Variants in SGCZ observed in about 807,000 individuals in gnomAD.
SGCZ encodes zeta-sarcoglycan.
SGCZ carries 40 observed loss-of-function variants against 41.3 expected under a neutral mutation model. That is an observed-to-expected ratio of 0.97 (90% CI 0.75 to 1.26). The LOEUF is 1.26. Among genes scored for constraint, SGCZ ranks in the 50% most tolerant of loss-of-function variants. The probability of loss-of-function intolerance (pLI) is 0.00; values close to 1 mark genes in which losing one functional copy is unlikely to be tolerated. For synonymous variants in SGCZ, 206 were observed against 137.5 expected, an observed-to-expected ratio of 1.50 and a Z score of -3.49; for missense variants, 552 against 369.8, an observed-to-expected ratio of 1.49 and a Z score of -4.04.
chr8:14,319,208 A>G (rs919522700), intron 3 of SGCZ, among the ~76,000 whole-genome samples: 1 of 151,952 alleles, frequency 6.6e-6, no homozygotes, highest in African/African-American at 2.4e-5. Context: ...TCTGAAATGA[A>G]AAAAGTGAAA....
intron 1 of SGCZ, among the ~76,000 whole-genome samples, chr8:14,720,766 C>A (rs1809857884): frequency 6.6e-6 from 1 of 152,052 alleles, no homozygotes; most frequent in South Asian, 2.1e-4. Flanking sequence ...ATTTACTAAC[C>A]AGCCATTTAA....
At chr8:14,774,443 G>A (rs550682047) in intron 1 of SGCZ, among the ~76,000 whole-genome samples, 137 of 152,278 alleles carry the variant, frequency 9.0e-4, no homozygotes, top group African/African-American at 2.9e-3. Flanking sequence ...TTCAGTTAAC[G>A]TTTAGGATTG....
At chr8:14,798,299 G>A (rs539591783) in intron 1 of SGCZ, among the ~76,000 whole-genome samples, 2 of 152,226 alleles carry the variant, frequency 1.3e-5, no homozygotes, top group East Asian at 3.9e-4. Flanking sequence ...GAATTTGGAA[G>A]GCAATAATCC....
intron 1 of SGCZ, among the ~76,000 whole-genome samples, chr8:14,972,020 T>C (rs184597884): frequency 2.0e-4 from 31 of 152,258 alleles, no homozygotes; most frequent in Admixed American, 8.5e-4. Context: ...AATAACTGTG[T>C]TTGGTTTCGG....
At chr8:15,100,114 A>G (rs1488764496) in intron 1 of SGCZ, among the ~76,000 whole-genome samples, 2 of 152,192 alleles carry the variant, frequency 1.3e-5, no homozygotes, top group Non-Finnish European at 2.9e-5. Flanking sequence ...CCAACAAGAC[A>G]GGAAAAGGAA....
chr8:14,406,820 G>C (rs557265457), intron 2 of SGCZ, among the ~76,000 whole-genome samples: 5 of 152,128 alleles, frequency 3.3e-5, no homozygotes, highest in Admixed American at 6.6e-5. Flanking sequence ...ATAAATATGA[G>C]TGCAGCACTG....
chr8:14,394,488 A>G (rs1379881568), intron 2 of SGCZ, among the ~76,000 whole-genome samples: 10 of 152,152 alleles, frequency 6.6e-5, no homozygotes, highest in Non-Finnish European at 1.3e-4. Flanking sequence ...GCATACTGAC[A>G]TCTAAGAAAC....
At chr8:14,935,562 A>G (rs1208842732) in intron 1 of SGCZ, among the ~76,000 whole-genome samples, 1 of 151,914 alleles carries the variant, frequency 6.6e-6, no homozygotes, top group Non-Finnish European at 1.5e-5. Flanking sequence ...AGATCATTGA[A>G]TCACTTTGAT....
chr8:14,374,216 C>G (rs760420784), intron 2 of SGCZ, among the ~76,000 whole-genome samples: 1 of 151,932 alleles, frequency 6.6e-6, no homozygotes, highest in South Asian at 2.1e-4. Context: ...TGTCTCTACA[C>G]AAGTATACAA....
At chr8:14,104,728 A>G (rs1802148490) in intron 6 of SGCZ, among the ~76,000 whole-genome samples, 2 of 151,802 alleles carry the variant, frequency 1.3e-5, no homozygotes, top group South Asian at 4.1e-4. Flanking sequence ...CCTTGAATAT[A>G]TTAATGATGT....
At chr8:14,255,182 C>G (rs904638051) in intron 3 of SGCZ, among the ~76,000 whole-genome samples, 17 of 152,090 alleles carry the variant, frequency 1.1e-4, no homozygotes, top group African/African-American at 3.9e-4. Flanking sequence ...GGAAGATTTC[C>G]TCTTTTGGTT....
intron 1 of SGCZ, among the ~76,000 whole-genome samples, chr8:14,562,336 G>C (rs934719211): frequency 5.9e-5 from 9 of 152,096 alleles, no homozygotes; most frequent in African/African-American, 2.2e-4. Context: ...TAGAGGTCAA[G>C]ATTGATGCAT....
intron 2 of SGCZ, among the ~76,000 whole-genome samples, chr8:14,486,913 T>A (rs1801691445): frequency 6.6e-6 from 1 of 152,124 alleles, no homozygotes; most frequent in South Asian, 2.1e-4. Flanking sequence ...TCTAACAGAA[T>A]CCTGAACATT....
chr8:14,852,723 T>A (rs150405725), intron 1 of SGCZ, among the ~76,000 whole-genome samples: 26 of 152,336 alleles, frequency 1.7e-4, no homozygotes, highest in Non-Finnish European at 3.5e-4. Context: ...AATTACATTA[T>A]GTTGGAGCAG....
intron 2 of SGCZ, among the ~76,000 whole-genome samples, chr8:14,520,960 G>A (rs1447561934): frequency 6.6e-6 from 1 of 152,070 alleles, no homozygotes; most frequent in Non-Finnish European, 1.5e-5. Flanking sequence ...ATAGAATCAA[G>A]AAGATAGCAG....
chr8:14,121,364 G>A (rs138458508), intron 5 of SGCZ, among the ~76,000 whole-genome samples: 3 of 152,116 alleles, frequency 2.0e-5, no homozygotes, highest in East Asian at 1.9e-4. Context: ...AATTGATGCC[G>A]TTATAAGGGT....
chr8:14,957,863 A>G (rs1800841371), intron 1 of SGCZ, among the ~76,000 whole-genome samples: 1 of 152,060 alleles, frequency 6.6e-6, no homozygotes, highest in Non-Finnish European at 1.5e-5. Context: ...ATATAAAATG[A>G]CTTACGTAAG....
chr8:14,510,177 A>G (rs763199603), intron 2 of SGCZ, among the ~76,000 whole-genome samples: 4 of 152,140 alleles, frequency 2.6e-5, no homozygotes, highest in Non-Finnish European at 5.9e-5. Flanking sequence ...CAAATACCTA[A>G]TAAGTTTTGA....
At chr8:14,382,952 T>A (rs555792936) in intron 2 of SGCZ, among the ~76,000 whole-genome samples, 1 of 152,238 alleles carries the variant, frequency 6.6e-6, no homozygotes, top group South Asian at 2.1e-4. Context: ...GAATCACTTC[T>A]CTCCCGCAAA....
Sources: allele counts gnomAD v4.1 joint callset (sites outside exome capture counted in the v4.1 genomes callset), GRCh38; gene constraint gnomAD v4.1.1; transcripts MANE v1.5; gene names NCBI Gene and HGNC (gene_info 2026-07-23, HGNC 2026-07-21).